Variants in ZNF536 observed in about 807,000 individuals in gnomAD.
ZNF536 encodes zinc finger protein 536.
In ZNF536, 13 loss-of-function variants were observed where a neutral mutation model predicts 84.5. The observed-to-expected ratio is 0.15, with a 90% CI of 0.10 to 0.24. The LOEUF (loss-of-function observed/expected upper bound fraction) is 0.24. Ranked by LOEUF, ZNF536 falls within the 10% of genes least tolerant of loss-of-function variation. ZNF536 has a pLI of 1.00. For synonymous variants in ZNF536, 811 were observed against 742.5 expected (o/e 1.09, Z -1.50); for missense variants, 1,536 against 1,747.5 (o/e 0.88, Z 2.16).
intron 1 of ZNF536, among the ~76,000 whole-genome samples, chr19:30,585,827 C>G (rs540003451): frequency 6.6e-6 from 1 of 152,296 alleles, no homozygotes; most frequent in East Asian, 1.9e-4. Context: ...CCTGTTGACA[C>G]TAGGTAATAC....
At chr19:30,585,228 G>T (rs181800076) in intron 1 of ZNF536, among the ~76,000 whole-genome samples, 2 of 152,338 alleles carry the variant, frequency 1.3e-5, no homozygotes, top group Admixed American at 6.5e-5. Context: ...CAATCTTGAC[G>T]TTGGTAGGAA....
intron 2 of ZNF536, among the ~76,000 whole-genome samples, chr19:30,484,705 T>C (rs1188991109): frequency 4.0e-5 from 6 of 151,082 alleles, no homozygotes; most frequent in Non-Finnish European, 7.4e-5. Context: ...TTTTGTCTTC[T>C]CTTGATCTTT....
chr19:30,334,656 T>C (rs1398936434), intron 2 of ZNF536, among the ~76,000 whole-genome samples: 1 of 152,306 alleles, frequency 6.6e-6, no homozygotes, highest in Non-Finnish European at 1.5e-5. Flanking sequence ...GTGAGGAGTA[T>C]GACACGGTGG....
chr19:30,386,893 G>C, intron 1 of ZNF536, among the ~76,000 whole-genome samples: 1 of 152,266 alleles, frequency 6.6e-6, no homozygotes, highest in East Asian at 1.9e-4. Flanking sequence ...GGCAGTGCTT[G>C]TCTGCGGGTC....
At chr19:30,459,930 A>G (rs895918894) in intron 2 of ZNF536, among the ~76,000 whole-genome samples, 1 of 152,158 alleles carries the variant, frequency 6.6e-6, no homozygotes, top group Admixed American at 6.5e-5. Flanking sequence ...GACTTTAACT[A>G]CAATTATAAC....
intron 1 of ZNF536, among the ~76,000 whole-genome samples, chr19:30,708,195 A>G (rs757327328): frequency 2.2e-4 from 34 of 152,086 alleles, no homozygotes; most frequent in Admixed American, 9.8e-4. Flanking sequence ...GGACCAGTAC[A>G]TACACTCAGG....
chr19:30,326,069 T>C (rs2047014780), intron 2 of ZNF536, among the ~76,000 whole-genome samples: 2 of 152,358 alleles, frequency 1.3e-5, no homozygotes, highest in South Asian at 4.1e-4. Flanking sequence ...GTTCTTTATT[T>C]ACAGTCAAAA....
intron 2 of ZNF536, among the ~76,000 whole-genome samples, chr19:30,513,424 A>T (rs1167891554): frequency 6.6e-6 from 1 of 152,160 alleles, no homozygotes; most frequent in Non-Finnish European, 1.5e-5. Flanking sequence ...TGTATTTGGG[A>T]TGGACATATT....
At position 30,419,699 on chromosome 19, in the gene ZNF536, G is replaced by A. The variant is rs1036811280; in HGVS notation, c.-2-23862G>A. Among the ~76,000 whole-genome samples the A allele has an allele frequency of 3.3e-5, 5 of 152,332 alleles. No homozygotes were observed. In the South Asian group the frequency reaches 1.0e-3, roughly 32 times the overall value. ...TGTGCAAATGGGCCAGCAGTGTGAG[G>A]AGCAGGAGGATTGGATGGGGTCTGA... is the stretch of plus-strand genomic sequence containing the variant. On this transcript the variant is annotated intron_variant, in intron 1 of 4. Coordinates refer to ENST00000355537, the MANE Select transcript of ZNF536 (RefSeq NM_014717.3).
intron 1 of ZNF536, among the ~76,000 whole-genome samples, chr19:30,415,812 G>A (rs1367418266): frequency 5.9e-5 from 9 of 152,140 alleles, no homozygotes; most frequent in Admixed American, 6.5e-5. Flanking sequence ...GGGTTTCACC[G>A]TGTTAGCCAG....
intron 1 of ZNF536, among the ~76,000 whole-genome samples, chr19:30,664,190 A>C (rs2050218729): frequency 6.8e-6 from 1 of 146,514 alleles, no homozygotes; most frequent in Non-Finnish European, 1.5e-5. Flanking sequence ...ATCTAGAGGA[A>C]TTCTTGCTGA....
At chr19:30,536,513 A>G (rs1289802577) in intron 3 of ZNF536, among the ~76,000 whole-genome samples, 2 of 152,206 alleles carry the variant, frequency 1.3e-5, no homozygotes, top group African/African-American at 4.8e-5. Context: ...AATATTGTCT[A>G]TCTTTTGAAT....
intron 1 of ZNF536, among the ~76,000 whole-genome samples, chr19:30,631,997 A>C (rs961656081): frequency 1.3e-5 from 2 of 152,168 alleles, no homozygotes; most frequent in South Asian, 4.1e-4. Context: ...CACCTCCCCA[A>C]ACCACTATAG....
At chr19:30,530,512 A>G (rs6510163) in intron 2 of ZNF536, among the ~76,000 whole-genome samples, 26,727 of 151,908 alleles carry the variant, frequency 0.18, 3,223 homozygotes, top group African/African-American at 0.33. Context: ...ATGCCTGGCT[A>G]ATTTTTGTAT....
chr19:30,354,758 G>A (rs889481235), intron 3 of ZNF536, among the ~76,000 whole-genome samples: 1 of 152,202 alleles, frequency 6.6e-6, no homozygotes, highest in African/African-American at 2.4e-5. Flanking sequence ...AAAGGGGGCA[G>A]GTATTAGAAA....
chr19:30,543,004 G>A (rs949042438), intron 3 of ZNF536, among the ~76,000 whole-genome samples: 1 of 152,096 alleles, frequency 6.6e-6, no homozygotes, highest in Admixed American at 6.5e-5. Context: ...TAGAAACGAG[G>A]TCTCCCTGTG....
At chr19:30,321,929 A>C (rs554189238) in intron 2 of ZNF536, among the ~76,000 whole-genome samples, 3 of 151,792 alleles carry the variant, frequency 2.0e-5, no homozygotes, top group East Asian at 3.9e-4. Flanking sequence ...GGCGTGCACC[A>C]CCATGCCCGG....
intron 1 of ZNF536, among the ~76,000 whole-genome samples, chr19:30,245,901 A>T (rs1261245578): frequency 6.6e-6 from 1 of 152,256 alleles, no homozygotes; most frequent in Non-Finnish European, 1.5e-5. Flanking sequence ...TACGTTGGGC[A>T]CGGAGCGTTG....
Position 30,557,261 on chromosome 19 carries a change from A to T in ZNF536, c.*97A>T. 1 of 1,380,060 alleles carries T rather than the reference A, an allele frequency of 7.2e-7. No individual in the cohort carries two copies. The highest frequency in any genetic ancestry group is 1.0e-6 in the Non-Finnish European group (1 of 969,640). 85.5% of individuals were successfully genotyped at this position (1,380,060 alleles called of 1,614,324 possible). ...TTGTTAATCGTGTAAAGTCAAGAGA[A>T]GAATGTATACACATATGTGTGTTGA... On this transcript the variant is annotated 3_prime_UTR_variant, in exon 5 of 5. Transcript: ENST00000355537.
Sources: allele counts gnomAD v4.1 joint callset (sites outside exome capture counted in the v4.1 genomes callset), GRCh38; gene constraint gnomAD v4.1.1; transcripts MANE v1.5; gene names NCBI Gene and HGNC (gene_info 2026-07-23, HGNC 2026-07-21).